The following MYO16 variants were observed in gnomAD, a reference collection of about 807,000 sequenced individuals.
The protein encoded by MYO16 is unconventional myosin-XVI.
In MYO16, 94 loss-of-function variants were observed where a neutral mutation model predicts 205.3. The observed-to-expected ratio is 0.46, with a 90% CI of 0.39 to 0.54. The LOEUF (loss-of-function observed/expected upper bound fraction) is 0.54, where lower values mean the gene tolerates loss of function less well. Among genes scored for constraint, MYO16 ranks in the 20% least tolerant of loss-of-function variants. The probability of loss-of-function intolerance (pLI) is 0.00; values close to 1 mark genes in which losing one functional copy is unlikely to be tolerated. For synonymous variants in MYO16, 988 were observed against 954.0 expected, an observed-to-expected ratio of 1.04 and a Z score of -0.66; for missense variants, 2,315 against 2,387.5, an observed-to-expected ratio of 0.97 and a Z score of 0.63.
At chr13:108,767,271 A>T (rs7993447) in intron 4 of MYO16, among the ~76,000 whole-genome samples, 72,731 of 151,502 alleles carry the variant, frequency 0.48, 18,350 homozygotes, top group East Asian at 0.87. Flanking sequence ...CCCGGTTAAT[A>T]TTTTGTATTT....
At chr13:109,085,763 A>G (rs1032971641) in intron 27 of MYO16, among the ~76,000 whole-genome samples, 2 of 152,210 alleles carry the variant, frequency 1.3e-5, no homozygotes, top group African/African-American at 2.4e-5. Context: ...CAGGGTCTAT[A>G]AGGGACACTG....
At chr13:109,087,133 G>A (rs1888456569) in intron 27 of MYO16, among the ~76,000 whole-genome samples, 1 of 152,210 alleles carries the variant, frequency 6.6e-6, no homozygotes, top group African/African-American at 2.4e-5. Flanking sequence ...GAGGTGTGCA[G>A]AGGAAAGTGC....
chr13:108,669,832 C>T (rs1881905776), intron 2 of MYO16, among the ~76,000 whole-genome samples: 1 of 152,014 alleles, frequency 6.6e-6, no homozygotes, highest in Non-Finnish European at 1.5e-5. Flanking sequence ...AACAGAAAAC[C>T]AAACACCACA....
chr13:108,783,108 A>G (rs1424967047), intron 4 of MYO16, among the ~76,000 whole-genome samples: 1 of 152,084 alleles, frequency 6.6e-6, no homozygotes, highest in African/African-American at 2.4e-5. Context: ...TTGCACCATG[A>G]GCCTGGAAAA....
intron 12 of MYO16, among the ~76,000 whole-genome samples, chr13:108,866,666 G>C (rs571208126): frequency 4.1e-4 from 62 of 152,166 alleles, no homozygotes; most frequent in Non-Finnish European, 6.8e-4. Flanking sequence ...CAAATGACTT[G>C]CCAAGTGTAA....
Position 108,851,533 on chromosome 13 carries a change from G to A in MYO16, c.1249-3910G>A, listed in dbSNP as rs527788816. Among the ~76,000 whole-genome samples the A allele has an allele frequency of 3.3e-5, 5 of 152,212 alleles. No individual in the cohort carries two copies. In the East Asian group the frequency reaches 7.8e-4, roughly 24 times the overall value. On this transcript the variant is annotated intron_variant, in intron 10 of 34. Coordinates refer to ENST00000457511, the MANE Select transcript of MYO16 (RefSeq NM_001198950.3). ...AGATTCCTTTTATATCCAAAGGCAAGCATTCCAGTCTGTGATCCTGGACTG... is the reference window on the plus strand; with the variant it reads ...AGATTCCTTTTATATCCAAAGGCAAACATTCCAGTCTGTGATCCTGGACTG...
chr13:108,914,256 A>C lies in MYO16; in HGVS notation c.1925+4106A>C, dbSNP rs546622016. 4.4e-3 allele frequency among the ~76,000 whole-genome samples: 665 copies of C among 150,682 alleles called. 9 individuals carry two copies. Among genetic ancestry groups the C allele is most frequent in the Non-Finnish European group, 5.9e-3 (399 of 67,768 alleles). On this transcript the variant is annotated intron_variant, in intron 16 of 34. Transcript: ENST00000457511. ...ATATGTATTATATTTACTATATTAT[A>C]TGTAGTATATCTACTATTATTAAGA...
At chr13:108,946,228 T>C (rs1882934111) in intron 16 of MYO16, among the ~76,000 whole-genome samples, 1 of 152,216 alleles carries the variant, frequency 6.6e-6, no homozygotes, top group Non-Finnish European at 1.5e-5. Flanking sequence ...AAACTCTCTT[T>C]ACTAGATAAC....
intron 6 of MYO16, among the ~76,000 whole-genome samples, chr13:108,804,186 G>A (rs76506161): frequency 1.3e-5 from 2 of 152,306 alleles, no homozygotes; most frequent in East Asian, 1.9e-4. Context: ...AGATGGTAAA[G>A]ATTAGAAGAA....
chr13:108,888,679 G>A (rs759152059), intron 14 of MYO16, among the ~76,000 whole-genome samples: 92 of 152,096 alleles, frequency 6.0e-4, no homozygotes, highest in Non-Finnish European at 1.1e-3. Flanking sequence ...AAAATATTTT[G>A]TACATACTTT....
intron 31 of MYO16, among the ~76,000 whole-genome samples, chr13:109,132,826 C>A (rs1021113554): frequency 6.6e-6 from 1 of 152,188 alleles, no homozygotes; most frequent in African/African-American, 2.4e-5. Context: ...TAAGTGTCTT[C>A]CATGAGCCTG....
chr13:109,175,176 G>T (rs1594159601), intron 33 of MYO16, among the ~76,000 whole-genome samples: 1 of 152,142 alleles, frequency 6.6e-6, no homozygotes. Context: ...CCAGGGACCA[G>T]GTCTACACCA....
At chr13:108,696,723 C>G (rs1284943014) in intron 2 of MYO16, among the ~76,000 whole-genome samples, 1 of 152,134 alleles carries the variant, frequency 6.6e-6, no homozygotes, top group Non-Finnish European at 1.5e-5. Context: ...GTACATTTTA[C>G]TAAGTATAAA....
chr13:108,825,827 C>A, intron 9 of MYO16, among the ~76,000 whole-genome samples: 1 of 115,752 alleles, frequency 8.6e-6, no homozygotes, highest in African/African-American at 2.7e-5. Flanking sequence ...ACATGCTTAC[C>A]CAGTAGGTTA....
chr13:108,555,776 G>A, the MYO16 span, among the ~76,000 whole-genome samples: 1 of 152,048 alleles, frequency 6.6e-6, no homozygotes, highest in South Asian at 2.1e-4. Context: ...ACCTTCCACT[G>A]GTCATTATTC....
intron 13 of MYO16, among the ~76,000 whole-genome samples, chr13:108,885,892 CG>C (rs1879847359): frequency 6.6e-6 from 1 of 152,110 alleles, no homozygotes; most frequent in Non-Finnish European, 1.5e-5. Context: ...TGAAGAACCC[CG>C]TTTATCTTAG....
intron 15 of MYO16, among the ~76,000 whole-genome samples, chr13:108,901,425 C>T (rs972359306): frequency 8.5e-5 from 13 of 152,210 alleles, no homozygotes; most frequent in South Asian, 6.2e-4. Flanking sequence ...TTTCTCAGAC[C>T]GGCCGACTCT....
chr13:109,005,602 C>A (rs1055885870), intron 21 of MYO16, among the ~76,000 whole-genome samples: 1 of 152,094 alleles, frequency 6.6e-6, no homozygotes, highest in Non-Finnish European at 1.5e-5. Flanking sequence ...AGAACCTCTG[C>A]ACTTTGAGCT....
the MYO16 span, among the ~76,000 whole-genome samples, chr13:108,541,292 T>C: frequency 5.9e-5 from 9 of 151,784 alleles, no homozygotes; most frequent in African/African-American, 2.2e-4. Context: ...TGTATAAATG[T>C]GTCTATATAA....
Sources: allele counts gnomAD v4.1 joint callset (sites outside exome capture counted in the v4.1 genomes callset), GRCh38; gene constraint gnomAD v4.1.1; transcripts MANE v1.5; gene names NCBI Gene and HGNC (gene_info 2026-07-23, HGNC 2026-07-21).